ST6GALNAC6: variants seen among roughly 807,000 people sequenced by gnomAD.
ST6GALNAC6 encodes the protein ST6 N-acetylgalactosaminide alpha-2,6-sialyltransferase 6.
ST6GALNAC6 carries 19 observed loss-of-function variants against 34.3 expected under a neutral mutation model. The ratio of observed to expected loss-of-function variants is 0.55; its 90% CI spans 0.39 to 0.81. The LOEUF is 0.81. Ranked by LOEUF, ST6GALNAC6 falls within the 40% of genes least tolerant of loss-of-function variation. The pLI is 0.00. For synonymous variants in ST6GALNAC6, 185 were observed against 182.1 expected (o/e 1.02, Z -0.13); for missense variants, 377 against 467.7 (o/e 0.81, Z 1.79).
intron 1 of ST6GALNAC6, among the ~76,000 whole-genome samples, chr9:127,898,428 A>T (rs192710226): frequency 1.3e-5 from 2 of 151,906 alleles, no homozygotes; most frequent in African/African-American, 4.8e-5. Context: ...AAAATAAAAT[A>T]AAAGAAAGAA....
chr9:127,900,991 C>CAAAAAA (rs56673204), upstream of ST6GALNAC6, among the ~76,000 whole-genome samples: 16 of 61,006 alleles, frequency 2.6e-4, 1 homozygote, highest in African/African-American at 9.2e-4. Context: ...AACTCCCTAT[C>CAAAAAA]AAAAAAAAAA....
At chr9:127,899,638 C>T (rs1261486693), upstream of ST6GALNAC6, 3 of 983,292 alleles carry the variant, frequency 3.1e-6, no homozygotes, top group Non-Finnish European at 2.4e-6. Flanking sequence ...CTAGCGCCGC[C>T]GTCACGGCCC....
rs1371991430 is a variant in ST6GALNAC6 at position 127,890,444 on chromosome 9, T to C, written c.704+193A>G. Among the ~76,000 whole-genome samples the C allele has an allele frequency of 6.6e-6, 1 of 152,030 alleles. No individual in the cohort carries two copies. Among genetic ancestry groups the C allele is most frequent in the Non-Finnish European group, 1.5e-5 (1 of 67,988 alleles). The stretch of plus-strand genomic sequence containing the variant: ...AAGCCCTCTTGGACAAACCAGGCCA[T>C]GCAGAGCATGCTGGAAAGGACCCAT... On this transcript the variant is annotated intron_variant, in intron 5 of 6. Coordinates refer to ENST00000373146, the MANE Select transcript of ST6GALNAC6 (RefSeq NM_013443.5). The surrounding 1 kb of genome is among the most constrained non-coding windows in gnomAD (Gnocchi z 4.3).
upstream of ST6GALNAC6, among the ~76,000 whole-genome samples, chr9:127,900,580 A>AG (rs1449775408): frequency 6.7e-6 from 1 of 150,374 alleles, no homozygotes; most frequent in Admixed American, 6.6e-5. Context: ...AAAAAAAAAA[A>AG]AAAAAAGAAG....
upstream of ST6GALNAC6, chr9:127,904,090 G>C (rs1830849741): frequency 6.6e-6 from 1 of 152,204 alleles, no homozygotes; most frequent in Non-Finnish European, 1.5e-5. Context: ...AAACAGAGCA[G>C]CTTACTCTCT....
Position 127,887,589 on chromosome 9 carries a change from TC to T in ST6GALNAC6, c.706del (p.Glu236ArgfsTer7). ...TGTGCTCAACCACGAATGAGACTTC[TC>T]CCTGGGGATGGAGAGGGGTCACGAT... is the stretch of plus-strand genomic sequence containing the variant. ...LFRGETGKDR[E>X]KSHSWLSTGW... On this transcript the variant is annotated frameshift_variant and splice_region_variant, in exon 6 of 7. Coordinates refer to ENST00000373146, the MANE Select transcript of ST6GALNAC6 (RefSeq NM_013443.5). LOFTEE classifies it high-confidence loss of function. 1 of 1,608,682 alleles carries T rather than the reference TC, an allele frequency of 6.2e-7. No individual in the cohort carries two copies. Among genetic ancestry groups the T allele is most frequent in the Non-Finnish European group, 8.5e-7 (1 of 1,176,896 alleles).
intron 5 of ST6GALNAC6, among the ~76,000 whole-genome samples, chr9:127,889,980 G>A (rs1830039419): frequency 6.6e-6 from 1 of 152,124 alleles, no homozygotes; most frequent in Admixed American, 6.5e-5. Flanking sequence ...CACCCAGGCT[G>A]GAGTGCAGTG....
At chr9:127,894,338 T>TGGA (rs1830317457) in intron 4 of ST6GALNAC6, among the ~76,000 whole-genome samples, 174 bp downstream of exon 4, 1 of 152,110 alleles carries the variant, frequency 6.6e-6, no homozygotes, top group Non-Finnish European at 1.5e-5. Context: ...TGGAGAGAAC[T>TGGA]GAGGCCCAGA....
At chr9:127,901,955 G>C (rs1830774702), upstream of ST6GALNAC6, among the ~76,000 whole-genome samples, 1 of 151,922 alleles carries the variant, frequency 6.6e-6, no homozygotes, top group Non-Finnish European at 1.5e-5. Flanking sequence ...AAAAATAAAA[G>C]CAAAAGTCAA....
chr9:127,896,211 CA>C lies in ST6GALNAC6; in HGVS notation c.117+30del, dbSNP rs370832579. ...GTTCCATGGAGGGAAGTGAGAGGCT[CA>C]ATGGGGTTAAGAAATGAAGGCAGAC... On this transcript the variant is annotated intron_variant, in intron 3 of 6. Transcript: ENST00000373146. 538 of 1,611,958 alleles carry C rather than the reference CA, an allele frequency of 3.3e-4. 2 individuals carry two copies. In the African/African-American group the frequency reaches 6.1e-3, roughly 18 times the overall value.
rs368302466 is a variant in ST6GALNAC6, at chr9:127,890,888, G to A, written c.453C>T (p.Thr151=). Residue 151 remains threonine, a synonymous_variant, in exon 5 of 7, where the codon ACC becomes ACT. Coordinates refer to ENST00000373146, the MANE Select transcript of ST6GALNAC6 (RefSeq NM_013443.5). The surrounding 1 kb of genome is among the most constrained non-coding windows in gnomAD (Gnocchi z 4.3). The part of the protein sequence containing the change: ...TGYSADVGNK[T]TYRVVAHSSV... ...TGGAATGGGCCACGACGCGGTAGGT[G>A]GTCTTGTTGCCCACATCAGCTGAGT... is the stretch of plus-strand genomic sequence containing the variant. 6.2e-7 allele frequency: 1 copy of A among 1,614,184 alleles called. No individual in the cohort carries two copies. The highest frequency in any genetic ancestry group is 8.5e-7 in the Non-Finnish European group (1 of 1,180,034).
intron 4 of ST6GALNAC6, 95 bp downstream of exon 4, chr9:127,894,417 G>A (rs1255062698): frequency 6.8e-7 from 1 of 1,465,668 alleles, no homozygotes; most frequent in Non-Finnish European, 9.2e-7. Flanking sequence ...GCAGGGCCTT[G>A]ACTCTCAGGG....
intron 4 of ST6GALNAC6, among the ~76,000 whole-genome samples, chr9:127,894,095 C>T (rs1830304169): frequency 6.6e-6 from 1 of 152,144 alleles, no homozygotes; most frequent in Admixed American, 6.6e-5. Context: ...TAATGCTGCC[C>T]TCACAGGGCT....
intron 5 of ST6GALNAC6, among the ~76,000 whole-genome samples, chr9:127,887,893 T>C (rs1052513727): frequency 2.6e-5 from 4 of 152,316 alleles, no homozygotes; most frequent in Non-Finnish European, 4.4e-5. Flanking sequence ...TGAGTGACTA[T>C]GATTGCAGAG....
intron 2 of ST6GALNAC6, 42 bp downstream of exon 2, chr9:127,897,914 A>G (rs750625037): frequency 1.2e-6 from 2 of 1,613,618 alleles, no homozygotes; most frequent in Non-Finnish European, 1.7e-6. Flanking sequence ...TGGTCAGTAC[A>G]GCATGTCAGC....
chr9:127,886,506 A>G lies in ST6GALNAC6; in HGVS notation c.*93T>C. 1 of 1,540,464 alleles carries G rather than the reference A, an allele frequency of 6.5e-7. No individual in the cohort carries two copies. The highest frequency in any genetic ancestry group is 1.4e-5 in the African/African-American group (1 of 72,824). On this transcript the variant is annotated 3_prime_UTR_variant, in exon 7 of 7. Transcript: ENST00000373146. The stretch of plus-strand genomic sequence containing the variant: ...TGATTGGCTGGGAGACACTCCAGCA[A>G]GCCTTGATTGGCCAGAAGATGGTCC...
upstream of ST6GALNAC6, among the ~76,000 whole-genome samples, chr9:127,899,941 C>A (rs1830692070): frequency 6.6e-6 from 1 of 152,230 alleles, no homozygotes; most frequent in African/African-American, 2.4e-5. Context: ...TACCTGGGCT[C>A]CCCACAGAGG....
At chr9:127,901,688 T>G (rs897876642), upstream of ST6GALNAC6, among the ~76,000 whole-genome samples, 10 of 151,932 alleles carry the variant, frequency 6.6e-5, no homozygotes, top group African/African-American at 2.4e-4. Flanking sequence ...TCCCAGCACT[T>G]TGGGAGGCCA....
In ST6GALNAC6 at chr9:127,886,602, G is replaced by C. The variant is rs1004773132; in HGVS notation, c.999C>G (p.Thr333=). The C allele has an allele frequency of 6.2e-7, 1 of 1,613,946 alleles. No homozygotes were observed. The highest frequency in any genetic ancestry group is 2.2e-5 in the East Asian group (1 of 44,866). ...YGITFSHPSW[T] is the part of the protein sequence containing the mutation. Reference sequence around the variant, plus strand: ...GAGGTCCCACAGGCTGGGTGGCCTAGGTCCAGGAGGGGTGGGAGAAGGTGA... The same window carrying C: ...GAGGTCCCACAGGCTGGGTGGCCTACGTCCAGGAGGGGTGGGAGAAGGTGA... Residue 333 remains threonine, a synonymous_variant, in exon 7 of 7, where the codon ACC becomes ACG. Transcript: ENST00000373146.
Sources: gnomAD v4.1 joint callset for allele counts (sites outside exome capture counted in the v4.1 genomes callset) on GRCh38, gnomAD v4.1.1 for gene constraint, Gnocchi (gnomAD v3.1) non-coding constraint, MANE v1.5 for transcripts, NCBI Gene and HGNC (gene_info 2026-07-23, HGNC 2026-07-21) for gene names.